ALOX5: variants seen among roughly 807,000 people sequenced by gnomAD.
ALOX5 encodes arachidonate 5-lipoxygenase.
A neutral mutation model predicts 87.9 loss-of-function variants in ALOX5; 64 were observed. The observed-to-expected ratio is 0.73, with a 90% CI of 0.60 to 0.90. The LOEUF is 0.90. ALOX5 is among the 40% of genes least tolerant of loss of function. ALOX5 has a pLI of 0.00. For missense variants in ALOX5, 822 were observed against 907.5 expected (o/e 0.91, Z 1.21); for synonymous variants, 388 against 355.1 (o/e 1.09, Z -1.04).
intron 3 of ALOX5, among the ~76,000 whole-genome samples, chr10:45,399,950 C>G (rs1219413574): frequency 6.6e-6 from 1 of 152,190 alleles, no homozygotes; most frequent in Non-Finnish European, 1.5e-5. Flanking sequence ...AGATACAATT[C>G]TAACCACTAA....
chr10:45,385,270 T>C (rs1839971778), intron 2 of ALOX5, among the ~76,000 whole-genome samples: 1 of 152,146 alleles, frequency 6.6e-6, no homozygotes, highest in African/African-American at 2.4e-5. Flanking sequence ...AATCTAATAT[T>C]TCACCACTAC....
In ALOX5 at chr10:45,421,972, C is replaced by T. The variant is rs908209912; in HGVS notation, c.555-2069C>T. ...AGACAGTACTCACAAAGGCCTCTAG[C>T]CTTGTGGCCCCAGGACCCTCTCCTG... On this transcript the variant is annotated intron_variant, in intron 4 of 13. Transcript: ENST00000374391. 4.4e-4 allele frequency among the ~76,000 whole-genome samples: 67 copies of T among 152,342 alleles called. No individual in the cohort carries two copies. The Middle Eastern group carries it at 0.01, about 23-fold the overall frequency.
At chr10:45,423,671 A>G (rs1841588347) in intron 4 of ALOX5, among the ~76,000 whole-genome samples, 2 of 152,236 alleles carry the variant, frequency 1.3e-5, no homozygotes, top group Admixed American at 6.5e-5. Context: ...TCATCGCCCC[A>G]AAAGCCAGGC....
chr10:45,413,140 CAAAG>C (rs1388233198), intron 4 of ALOX5, among the ~76,000 whole-genome samples: 1 of 152,124 alleles, frequency 6.6e-6, no homozygotes, highest in African/African-American at 2.4e-5. Flanking sequence ...ACACAACAAA[CAAAG>C]AGAATTTTAG....
At chr10:45,410,560 C>T (rs576388058) in intron 3 of ALOX5, among the ~76,000 whole-genome samples, 1 of 152,288 alleles carries the variant, frequency 6.6e-6, no homozygotes, top group East Asian at 1.9e-4. Flanking sequence ...GCCAAGAGGA[C>T]ACTGTGACAG....
intron 4 of ALOX5, among the ~76,000 whole-genome samples, chr10:45,418,887 G>C (rs1038249048): frequency 6.6e-6 from 1 of 152,276 alleles, no homozygotes; most frequent in Non-Finnish European, 1.5e-5. Context: ...AATTGAGAAA[G>C]AGAGTTTCCT....
At chr10:45,385,322 C>G (rs914633682) in intron 2 of ALOX5, among the ~76,000 whole-genome samples, 1 of 152,100 alleles carries the variant, frequency 6.6e-6, no homozygotes, top group East Asian at 1.9e-4. Context: ...TTACTGTGGC[C>G]CCACAGATCC....
At chr10:45,438,644 C>A (rs1842129790) in intron 7 of ALOX5, among the ~76,000 whole-genome samples, 1 of 152,172 alleles carries the variant, frequency 6.6e-6, no homozygotes, top group African/African-American at 2.4e-5. Flanking sequence ...GTGGCCCAGG[C>A]ATCTCATGCA....
chr10:45,433,706 A>C (rs528124004), intron 7 of ALOX5, among the ~76,000 whole-genome samples: 1 of 152,340 alleles, frequency 6.6e-6, no homozygotes, highest in African/African-American at 2.4e-5. Context: ...AGATTCAAAA[A>C]TTTGTTGTTT....
chr10:45,426,989 C>T (rs536897011), intron 6 of ALOX5, among the ~76,000 whole-genome samples: 10 of 152,180 alleles, frequency 6.6e-5, no homozygotes, highest in Non-Finnish European at 1.0e-4. Context: ...CCAGTGCCCA[C>T]GGCCAGGAGA....
intron 5 of ALOX5, among the ~76,000 whole-genome samples, chr10:45,424,754 C>T (rs930814035): frequency 5.9e-5 from 9 of 152,314 alleles, no homozygotes; most frequent in Admixed American, 3.3e-4. Context: ...TTCTGAGCCA[C>T]GAAGGGCCAG....
chr10:45,402,744 G>A (rs1840747564), intron 3 of ALOX5, among the ~76,000 whole-genome samples: 1 of 152,200 alleles, frequency 6.6e-6, no homozygotes, highest in African/African-American at 2.4e-5. Context: ...AGAGAGTGAA[G>A]GCAAGTCATG....
Position 45,395,854 on chromosome 10 carries a change from G to T in ALOX5, c.350-1G>T. 6.2e-7 allele frequency: 1 copy of T among 1,614,082 alleles called. No homozygotes were observed. Among genetic ancestry groups the T allele is most frequent in the Non-Finnish European group, 8.5e-7 (1 of 1,179,946 alleles). ...CCTCTCATGTTGTTCTTTCTTTACA[G>T]CAAAGTTGGCCCGAGATGACCAAAT... On this transcript the variant is annotated splice_acceptor_variant, in intron 2 of 13. Coordinates refer to ENST00000374391, the MANE Select transcript of ALOX5 (RefSeq NM_000698.5). LOFTEE classifies it high-confidence loss of function.
At chr10:45,440,957 T>C (rs1017782236) in intron 8 of ALOX5, among the ~76,000 whole-genome samples, 2 of 152,212 alleles carry the variant, frequency 1.3e-5, no homozygotes, top group African/African-American at 4.8e-5. Context: ...GTCCCTGTTC[T>C]CGAATCCTAC....
chr10:45,408,804 C>G (rs1379272883), intron 3 of ALOX5, among the ~76,000 whole-genome samples: 1 of 152,196 alleles, frequency 6.6e-6, no homozygotes, highest in African/African-American at 2.4e-5. Flanking sequence ...CTCATAGTTT[C>G]ATTTATGGCT....
At chr10:45,420,279 G>T (rs1363014423) in intron 4 of ALOX5, among the ~76,000 whole-genome samples, 1 of 152,128 alleles carries the variant, frequency 6.6e-6, no homozygotes, top group Non-Finnish European at 1.5e-5. Flanking sequence ...AAAATGTAGG[G>T]TGGTATCCCA....
At chr10:45,420,303 C>T (rs569581991) in intron 4 of ALOX5, among the ~76,000 whole-genome samples, 37 of 152,172 alleles carry the variant, frequency 2.4e-4, no homozygotes, top group African/African-American at 8.4e-4. Flanking sequence ...AAAAATCAGA[C>T]GAGGCTAGAA....
chr10:45,391,703 C>G (rs988841786), intron 2 of ALOX5, among the ~76,000 whole-genome samples: 1 of 151,586 alleles, frequency 6.6e-6, no homozygotes, highest in Non-Finnish European at 1.5e-5. Context: ...CGTCTCTGCC[C>G]AGCCGCCCAT....
Position 45,443,160 on chromosome 10 carries a change from C to T in ALOX5, c.1395C>T (p.Asp465=), listed in dbSNP as rs1842295248. Residue 465 remains aspartate (D), a synonymous_variant, in exon 10 of 14, where the codon GAC becomes GAT. Coordinates refer to ENST00000374391, the MANE Select transcript of ALOX5 (RefSeq NM_000698.5). ...CCCGGGGCATGGAGAGCAAAGAAGA[C>T]ATCCCCTACTACTTCTACCGGGACG... is the stretch of plus-strand genomic sequence containing the variant. The part of the protein sequence containing the change: ...IKARGMESKE[D]IPYYFYRDDG... 2.5e-6 allele frequency: 4 copies of T among 1,613,764 alleles called. No homozygotes were observed. The highest frequency in any genetic ancestry group is 1.7e-5 in the Admixed American group (1 of 60,006).
Sources: gnomAD v4.1 joint callset for allele counts (sites outside exome capture counted in the v4.1 genomes callset) on GRCh38, gnomAD v4.1.1 for gene constraint, MANE v1.5 for transcripts, NCBI Gene and HGNC (gene_info 2026-07-23, HGNC 2026-07-21) for gene names.